Variants in SYNE3 observed in about 807,000 individuals in gnomAD.
The protein encoded by SYNE3 is spectrin repeat containing nuclear envelope family member 3.
SYNE3 carries 100 observed loss-of-function variants against 111.2 expected under a neutral mutation model. The observed-to-expected ratio is 0.90, with a 90% CI of 0.77 to 1.06. The LOEUF is 1.06. Ranked by LOEUF, SYNE3 falls within the 50% of genes least tolerant of loss-of-function variation. The pLI is 0.00. For synonymous variants in SYNE3, 547 were observed against 533.9 expected (o/e 1.02, Z -0.34); for missense variants, 1,160 against 1,240.3 (o/e 0.94, Z 0.97).
rs1159078508 is a variant in SYNE3 at position 95,411,238 on chromosome 14, C to T, written c.*6588G>A. 2.0e-5 allele frequency: 3 copies of T among 150,808 alleles called. No individual in the cohort carries two copies. Among genetic ancestry groups the T allele is most frequent in the Non-Finnish European group, 4.4e-5 (3 of 67,928 alleles). 9.3% of individuals were successfully genotyped at this position (150,808 alleles called of 1,614,324 possible). A position where few individuals can be genotyped will look rare whatever the true frequency, so the allele number is the denominator to read the frequency against. On this transcript the variant is annotated 3_prime_UTR_variant, in exon 18 of 18. Transcript: ENST00000682763. ...GGCAGTTCATCCCATTGTCTGCTTTCTGGGGCTAGTTTGTCTCACCCAATT... is the reference window on the plus strand; with the variant it reads ...GGCAGTTCATCCCATTGTCTGCTTTTTGGGGCTAGTTTGTCTCACCCAATT...
intron 1 of SYNE3, among the ~76,000 whole-genome samples, chr14:95,508,911 A>G (rs1262530041): frequency 2.0e-5 from 3 of 152,238 alleles, no homozygotes; most frequent in East Asian, 1.9e-4. Flanking sequence ...TGTCCTGGAA[A>G]TATTAGGATC....
intron 6 of SYNE3, among the ~76,000 whole-genome samples, chr14:95,454,605 A>G (rs776476745): frequency 1.2e-4 from 18 of 152,250 alleles, no homozygotes; most frequent in Non-Finnish European, 1.8e-4. Flanking sequence ...CTGCTACAAG[A>G]TCGAATGAGA....
chr14:95,474,083 G>C (rs1324686884), intron 2 of SYNE3, among the ~76,000 whole-genome samples: 1 of 150,676 alleles, frequency 6.6e-6, no homozygotes. Context: ...GTGTGAGCTT[G>C]TGAGGTGTGA....
rs1903388130 is a variant in SYNE3, at chr14:95,409,827, A to T, written c.*7999T>A. The T allele has an allele frequency of 5.4e-6, 1 of 186,476 alleles. No individual in the cohort carries two copies. The highest frequency in any genetic ancestry group is 2.4e-5 in the African/African-American group (1 of 42,320). The allele number at this position is 186,476 out of a possible 1,614,324, so 11.6% of individuals were successfully genotyped here. On this transcript the variant is annotated 3_prime_UTR_variant, in exon 18 of 18. Coordinates refer to ENST00000682763, the MANE Select transcript of SYNE3 (RefSeq NM_152592.6). ...GCCTGCAGGCACTGGCAATTGGGTG[A>T]TGAGGGCCACCTGTGGGGTGCCCCC...
intron 2 of SYNE3, among the ~76,000 whole-genome samples, chr14:95,473,182 C>T (rs1000211436): frequency 6.6e-6 from 1 of 152,092 alleles, no homozygotes. Flanking sequence ...ACTGGCAGAA[C>T]GCTCAGGCCA....
chr14:95,450,942 T>G (rs970244288), intron 7 of SYNE3: 5 of 151,998 alleles, frequency 3.3e-5, no homozygotes, highest in Non-Finnish European at 7.4e-5. Context: ...TCCCACTGAG[T>G]ACAAAAACAA....
In SYNE3 at chr14:95,412,071, A is replaced by C. The variant is rs4905299; in HGVS notation, c.*5755T>G. ...TCTGTGACCCAGCACAGCCCAACAC[A>C]CTTCTGACCTCCTGAGGCTGGGTCA... On this transcript the variant is annotated 3_prime_UTR_variant, in exon 18 of 18. Coordinates refer to ENST00000682763, the MANE Select transcript of SYNE3 (RefSeq NM_152592.6). 0.72 allele frequency: 109,382 copies of C among 152,408 alleles called. 39,482 individuals are homozygous for C. Among genetic ancestry groups the C allele is most frequent in the Non-Finnish European group, 0.76 (51,845 of 68,212 alleles). The allele number at this position is 152,408 out of a possible 1,614,324, so 9.4% of individuals were successfully genotyped here.
At chr14:95,484,443 G>A (rs1889433847) in intron 1 of SYNE3, among the ~76,000 whole-genome samples, 2 of 152,208 alleles carry the variant, frequency 1.3e-5, no homozygotes, top group South Asian at 2.1e-4. Context: ...TGGCCACGGA[G>A]TAACAGGGGC....
intron 4 of SYNE3, among the ~76,000 whole-genome samples, chr14:95,463,943 A>G (rs1182174078): frequency 6.6e-6 from 1 of 152,222 alleles, no homozygotes; most frequent in East Asian, 1.9e-4. Flanking sequence ...AAGAGCTCAC[A>G]TGTAACCATA....
intron 1 of SYNE3, among the ~76,000 whole-genome samples, chr14:95,491,307 G>A (rs180729205): frequency 1.1e-4 from 17 of 152,230 alleles, no homozygotes; most frequent in Admixed American, 2.0e-4. Flanking sequence ...AAGTAGACCC[G>A]CCCAAGATCT....
intron 4 of SYNE3, among the ~76,000 whole-genome samples, chr14:95,463,591 G>C (rs1887978435): frequency 6.6e-6 from 1 of 152,272 alleles, no homozygotes; most frequent in Admixed American, 6.5e-5. Flanking sequence ...GGGCCAGAGG[G>C]GCAGACCTGG....
chr14:95,465,753 CAGAT>C (rs1490727928), intron 4 of SYNE3, among the ~76,000 whole-genome samples, 174 bp downstream of exon 4: 52 of 151,970 alleles, frequency 3.4e-4, no homozygotes, highest in Non-Finnish European at 5.3e-4. Flanking sequence ...AGTAGGTAGA[CAGAT>C]GGATGGGAGG....
At chr14:95,511,191 A>G (rs1890708463) in intron 1 of SYNE3, among the ~76,000 whole-genome samples, 2 of 152,250 alleles carry the variant, frequency 1.3e-5, no homozygotes, top group Admixed American at 1.3e-4. Flanking sequence ...GAAAATGGAA[A>G]TAACCATAAC....
chr14:95,417,487 C>T lies in SYNE3; in HGVS notation c.*339G>A, dbSNP rs1903617062. The T allele has an allele frequency of 5.9e-6, 2 of 336,338 alleles. No individual in the cohort carries two copies. The highest frequency in any genetic ancestry group is 3.2e-5 in the South Asian group (1 of 30,890). The allele number at this position is 336,338 out of a possible 1,614,324, so 20.8% of individuals were successfully genotyped here. A position where few individuals can be genotyped will look rare whatever the true frequency, so the allele number is the denominator to read the frequency against. ...TGACTGCAGACCAAGTCAACAATAC[C>T]ACAAAATCCCATTGGAGGGAGCCAT... On this transcript the variant is annotated 3_prime_UTR_variant, in exon 18 of 18. Transcript: ENST00000682763.
At chr14:95,463,954 C>T (rs1888004754) in intron 4 of SYNE3, among the ~76,000 whole-genome samples, 1 of 152,222 alleles carries the variant, frequency 6.6e-6, no homozygotes, top group African/African-American at 2.4e-5. Context: ...TGTAACCATA[C>T]AGCCCCCACA....
chr14:95,487,898 G>A (rs1485084559), intron 1 of SYNE3, among the ~76,000 whole-genome samples: 1 of 141,364 alleles, frequency 7.1e-6, no homozygotes, highest in Non-Finnish European at 1.5e-5. Context: ...CCTCGAGACA[G>A]CAAGACCAAC....
chr14:95,490,631 G>A (rs1048482135), intron 1 of SYNE3, among the ~76,000 whole-genome samples: 1 of 152,252 alleles, frequency 6.6e-6, no homozygotes, highest in Non-Finnish European at 1.5e-5. Context: ...TGGTCAGCAT[G>A]CTGAGGCTGG....
At chr14:95,452,033 A>G in intron 7 of SYNE3, 1 of 465,934 alleles carries the variant, frequency 2.1e-6, no homozygotes, top group Non-Finnish European at 3.6e-6. Context: ...GGATAAATGC[A>G]AAGTTCAGGC....
chr14:95,453,692 G>A (rs545282504), intron 6 of SYNE3, among the ~76,000 whole-genome samples: 180 of 152,366 alleles, frequency 1.2e-3, no homozygotes, highest in African/African-American at 4.1e-3. Context: ...CCGGCCTGCA[G>A]GAATTCAGCA....
Sources: allele counts gnomAD v4.1 joint callset (sites outside exome capture counted in the v4.1 genomes callset), GRCh38; gene constraint gnomAD v4.1.1; transcripts MANE v1.5; gene names NCBI Gene and HGNC (gene_info 2026-07-23, HGNC 2026-07-21).